The following DNAH9 variants were observed in gnomAD, a reference collection of about 807,000 sequenced individuals.
DNAH9 encodes the protein dynein axonemal heavy chain 9.
Under a neutral mutation model 471.6 loss-of-function variants are expected in DNAH9, and 345 were observed. That is an observed-to-expected ratio of 0.73 (90% confidence interval 0.67 to 0.80). DNAH9 has a LOEUF of 0.80. Among genes scored for constraint, DNAH9 ranks in the 30% least tolerant of loss-of-function variants. The pLI, the probability that DNAH9 is intolerant of heterozygous loss-of-function variation, is 0.00. For missense variants in DNAH9, 5,407 were observed against 5,609.2 expected (o/e 0.96, Z 1.15); for synonymous variants, 2,093 against 2,123.6 (o/e 0.99, Z 0.40).
chr17:11,957,682 T>C (rs890540753), intron 67 of DNAH9, among the ~76,000 whole-genome samples: 1 of 151,906 alleles, frequency 6.6e-6, no homozygotes, highest in Non-Finnish European at 1.5e-5. Flanking sequence ...AGAGACAGCC[T>C]AGCGAGACAG....
rs759904771 is a variant in DNAH9, at chr17:11,739,006, G to A, written c.5941G>A (p.Glu1981Lys). The change falls in exon 29 of 69, where the codon GAG becomes AAG. Residue 1981 changes from glutamate (E) to lysine (K), a missense_variant. By Grantham distance (56) the Glu-to-Lys change is moderately conservative. Around this residue, in one of 3 missense-constraint regions of DNAH9, gnomAD observed 4,636 missense variants for 4,900.3 expected, o/e 0.95. Coordinates refer to ENST00000262442, the MANE Select transcript of DNAH9 (RefSeq NM_001372.4). ...TMNPGYAGRT[E>K]LPENLKSLFR... is the part of the protein sequence containing the mutation. ...GAACCCAGGCTATGCTGGCCGCACA[G>A]AGCTGCCAGAGAATCTCAAGTCTCT... is the stretch of plus-strand genomic sequence containing the variant. 13 of 1,614,046 alleles carry A rather than the reference G, an allele frequency of 8.1e-6. No homozygotes were observed. In the East Asian group the frequency reaches 2.9e-4, roughly 36 times the overall value.
intron 33 of DNAH9, among the ~76,000 whole-genome samples, chr17:11,755,881 C>T (rs1004807708): frequency 6.6e-6 from 1 of 152,096 alleles, no homozygotes; most frequent in South Asian, 2.1e-4. Context: ...CTGACAGTTC[C>T]ACGTAAATGA....
rs555556137 is a variant in DNAH9, at chr17:11,616,052, CAT to C, written c.905-1356_905-1355del. On this transcript the variant is annotated intron_variant, in intron 4 of 68. Transcript: ENST00000262442. ...TATAAAGTACAAACATACATATCAA[CAT>C]ATTTTTGTGTATGGTGAGCCTCCGT... is the stretch of plus-strand genomic sequence containing the variant. Among the ~76,000 whole-genome samples the C allele has an allele frequency of 3.0e-3, 454 of 152,312 alleles. 3 individuals are homozygous for C. Among genetic ancestry groups the C allele is most frequent in the Non-Finnish European group, 4.7e-3 (323 of 68,032 alleles).
intron 43 of DNAH9, among the ~76,000 whole-genome samples, chr17:11,805,305 A>G (rs558617760): frequency 3.3e-5 from 5 of 152,162 alleles, no homozygotes; most frequent in East Asian, 1.9e-4. Context: ...ATACACTCAC[A>G]TGTTGTTCAT....
At chr17:11,735,395 C>G (rs2075328700) in intron 28 of DNAH9, among the ~76,000 whole-genome samples, 1 of 152,006 alleles carries the variant, frequency 6.6e-6, no homozygotes, top group African/African-American at 2.4e-5. Context: ...ACACCGGTTC[C>G]TACATAGCTT....
chr17:11,791,743 T>G (rs1249897136), intron 41 of DNAH9, among the ~76,000 whole-genome samples: 1 of 152,064 alleles, frequency 6.6e-6, no homozygotes, highest in African/African-American at 2.4e-5. Context: ...TTTGGGAAAC[T>G]AATAATTCTT....
In DNAH9 at chr17:11,657,630, A is replaced by G. The variant is rs377148918; in HGVS notation, c.2595+4628A>G. The stretch of plus-strand genomic sequence containing the variant: ...GGAAACTATTTACTCCAAAGATTGC[A>G]AAGATATCTTTTATTTTTTTTCTTT... On this transcript the variant is annotated intron_variant, in intron 14 of 68. Transcript: ENST00000262442. Among the ~76,000 whole-genome samples the G allele has an allele frequency of 1.3e-4, 20 of 152,162 alleles. No individual in the cohort carries two copies. The East Asian group carries it at 1.4e-3, about 10-fold the overall frequency.
chr17:11,769,409 G>GCAGGCACC, intron 38 of DNAH9, 80 bp downstream of exon 38: 1 of 1,322,156 alleles, frequency 7.6e-7, no homozygotes, highest in Non-Finnish European at 1.0e-6. Flanking sequence ...CAAGCGTCAG[G>GCAGGCACC]TGCCTGCCTG....
intron 7 of DNAH9, among the ~76,000 whole-genome samples, chr17:11,632,110 ATTGT>A (rs2073080043): frequency 1.3e-5 from 2 of 152,234 alleles, no homozygotes; most frequent in Non-Finnish European, 2.9e-5. Flanking sequence ...TTTAGAAGAA[ATTGT>A]TTGTATTAGT....
At chr17:11,701,989 G>A (rs936426010) in intron 24 of DNAH9, among the ~76,000 whole-genome samples, 4 of 152,056 alleles carry the variant, frequency 2.6e-5, no homozygotes, top group Non-Finnish European at 4.4e-5. Context: ...GCCATGACAG[G>A]TGTTTTAATA....
intron 67 of DNAH9, among the ~76,000 whole-genome samples, chr17:11,950,577 C>T (rs756369959): frequency 6.6e-6 from 1 of 152,114 alleles, no homozygotes; most frequent in Non-Finnish European, 1.5e-5. Context: ...ACTATGTTGC[C>T]AGGCTGGTCT....
chr17:11,803,382 GTGT>G, intron 43 of DNAH9, among the ~76,000 whole-genome samples: 2 of 136,036 alleles, frequency 1.5e-5, no homozygotes, highest in African/African-American at 7.3e-5. Flanking sequence ...CTCTAGGGGT[GTGT>G]GTGTGTGTGT....
In DNAH9 at chr17:11,690,528, T is replaced by C. The variant is rs1432093798; in HGVS notation, c.4614+92T>C. On this transcript the variant is annotated intron_variant, in intron 20 of 68. Coordinates refer to ENST00000262442, the MANE Select transcript of DNAH9 (RefSeq NM_001372.4). ...TCCTGCATTGTCTAGGCTCTTTCCT[T>C]TTCTGCCTCCTTGCTTTGACTTTAC... 6 of 1,223,804 alleles carry C rather than the reference T, an allele frequency of 4.9e-6. No homozygotes were observed. The East Asian group carries it at 1.4e-4, about 30-fold the overall frequency. The allele number at this position is 1,223,804 out of a possible 1,614,324, so 75.8% of individuals were successfully genotyped here. A position where few individuals can be genotyped will look rare whatever the true frequency, so the allele number is the denominator to read the frequency against.
intron 44 of DNAH9, among the ~76,000 whole-genome samples, chr17:11,808,445 G>T (rs968731476): frequency 6.6e-6 from 1 of 152,138 alleles, no homozygotes; most frequent in Admixed American, 6.6e-5. Flanking sequence ...TTGGTAGGAA[G>T]TCACGGTGTA....
rs1405240898 is a variant in DNAH9 at position 11,854,319 on chromosome 17, T to G, written c.9824T>G (p.Phe3275Cys). Residue 3275 changes from phenylalanine to cysteine, a missense_variant, in exon 50 of 69, where the codon TTT becomes TGT. Phe to Cys is a radical substitution (Grantham distance 205). Around this residue, in one of 3 missense-constraint regions of DNAH9, gnomAD observed 4,636 missense variants for 4,900.3 expected, o/e 0.95. Coordinates refer to ENST00000262442, the MANE Select transcript of DNAH9 (RefSeq NM_001372.4). ...TCCTGGGTCATCAATATTGTGAGAT[T>G]TTATGAGGTGTTCTGTGATGTGGAA... Reference protein sequence around the residue: ...LCSWVINIVRFYEVFCDVEPK... With the variant: ...LCSWVINIVRCYEVFCDVEPK... 1.9e-6 allele frequency: 3 copies of G among 1,614,076 alleles called. No homozygotes were observed. The highest frequency in any genetic ancestry group is 2.5e-6 in the Non-Finnish European group (3 of 1,180,018).
In DNAH9 at chr17:11,899,455, G is replaced by T. The variant is rs140303026; in HGVS notation, c.11407-3264G>T. Among the ~76,000 whole-genome samples, 77 of 152,234 alleles carry T rather than the reference G, an allele frequency of 5.1e-4. No homozygotes were observed. In the East Asian group the frequency reaches 0.014, roughly 28 times the overall value. On this transcript the variant is annotated intron_variant, in intron 59 of 68. Transcript: ENST00000262442. The stretch of plus-strand genomic sequence containing the variant: ...ACCAGTCTGGTTGCCAATTTAGCTC[G>T]GTTGTATTTTGCTACACAGTCCAAA...
Position 11,694,313 on chromosome 17 carries a change from GC to G in DNAH9, c.4746-5del. On this transcript the variant is annotated splice_polypyrimidine_tract_variant and splice_region_variant and intron_variant, in intron 21 of 68. Coordinates refer to ENST00000262442, the MANE Select transcript of DNAH9 (RefSeq NM_001372.4). The stretch of plus-strand genomic sequence containing the variant: ...TTAACTGGGAAATTCTATGTTCTGT[GC>G]CCTCAGATTGTGCCTGTGTGAGAAG... 1 of 1,613,802 alleles carries G rather than the reference GC, an allele frequency of 6.2e-7. No individual in the cohort carries two copies. Among genetic ancestry groups the G allele is most frequent in the Non-Finnish European group, 8.5e-7 (1 of 1,179,892 alleles).
At chr17:11,699,483 T>C (rs532434438) in intron 22 of DNAH9, among the ~76,000 whole-genome samples, 41 of 152,234 alleles carry the variant, frequency 2.7e-4, no homozygotes, top group Non-Finnish European at 5.4e-4. Flanking sequence ...CAAACCATTG[T>C]GACTTAGTTG....
At chr17:11,610,170 TAC>T (rs1253160984) in intron 2 of DNAH9, among the ~76,000 whole-genome samples, 1 of 152,172 alleles carries the variant, frequency 6.6e-6, no homozygotes, top group East Asian at 1.9e-4. Flanking sequence ...AAAATGTACA[TAC>T]ACACACATAA....
Sources: allele counts gnomAD v4.1 joint callset (sites outside exome capture counted in the v4.1 genomes callset), GRCh38; gene constraint gnomAD v4.1.1; regional missense constraint gnomAD v4.1.1; transcripts MANE v1.5; gene names NCBI Gene and HGNC (gene_info 2026-07-23, HGNC 2026-07-21).